NDRG3: variants seen among roughly 807,000 people sequenced by gnomAD.
The protein encoded by NDRG3 is protein NDRG3.
A neutral mutation model predicts 57.2 loss-of-function variants in NDRG3; 23 were observed. The ratio of observed to expected loss-of-function variants is 0.40; its 90% CI spans 0.29 to 0.57. The LOEUF (loss-of-function observed/expected upper bound fraction) is 0.57, where lower values mean the gene tolerates loss of function less well. NDRG3 is among the 20% of genes least tolerant of loss of function. The pLI, the probability that NDRG3 is intolerant of heterozygous loss-of-function variation, is 0.42. For synonymous variants in NDRG3, 132 were observed against 162.6 expected, an observed-to-expected ratio of 0.81 and a Z score of 1.43; for missense variants, 384 against 457.3, an observed-to-expected ratio of 0.84 and a Z score of 1.46.
Position 36,653,788 on chromosome 20 carries a change from G to C in NDRG3, c.947-87C>G. The C allele has an allele frequency of 7.9e-7, 1 of 1,268,202 alleles. No individual in the cohort carries two copies. Among genetic ancestry groups the C allele is most frequent in the Non-Finnish European group, 1.1e-6 (1 of 913,310 alleles). The allele number at this position is 1,268,202 out of a possible 1,614,324, so 78.6% of individuals were successfully genotyped here. On this transcript the variant is annotated intron_variant, in intron 15 of 15. Coordinates refer to ENST00000349004, the MANE Select transcript of NDRG3 (RefSeq NM_032013.4). The surrounding 1 kb of genome is among the most constrained non-coding windows in gnomAD (Gnocchi z 4.2). Reference sequence around the variant, plus strand: ...AGTCTCATCAAAGTCTTTATGTTTAGCTTTTCCGACTCATTTACCATGACA... The same window carrying C: ...AGTCTCATCAAAGTCTTTATGTTTACCTTTTCCGACTCATTTACCATGACA...
chr20:36,704,934 AT>A (rs1356404383), intron 3 of NDRG3, among the ~76,000 whole-genome samples: 2 of 152,190 alleles, frequency 1.3e-5, no homozygotes, highest in African/African-American at 2.4e-5. Context: ...TGGGCAACGG[AT>A]TCAGGAAGAA....
At chr20:36,678,625 A>T (rs748566576) in intron 8 of NDRG3, among the ~76,000 whole-genome samples, 9 of 152,218 alleles carry the variant, frequency 5.9e-5, no homozygotes, top group Admixed American at 1.3e-4. Flanking sequence ...GGTTGCAGTG[A>T]GCCAAGATCA....
At chr20:36,744,504 T>G (rs1372820193) in intron 1 of NDRG3, among the ~76,000 whole-genome samples, 1 of 152,084 alleles carries the variant, frequency 6.6e-6, no homozygotes, top group African/African-American at 2.4e-5. Context: ...AGGGTAAGAC[T>G]GAGGCTAAGA....
At chr20:36,739,725 A>ATGG (rs1568677267) in intron 1 of NDRG3, among the ~76,000 whole-genome samples, 1 of 151,912 alleles carries the variant, frequency 6.6e-6, no homozygotes, top group African/African-American at 2.4e-5. Flanking sequence ...GATCGAGACC[A>ATGG]TGGTGAAACC....
chr20:36,744,785 G>A (rs1360926523), intron 1 of NDRG3, among the ~76,000 whole-genome samples: 3 of 152,188 alleles, frequency 2.0e-5, no homozygotes, highest in East Asian at 1.9e-4. Flanking sequence ...ATACTGAAAT[G>A]TTCAAGCCCA....
chr20:36,661,143 C>T (rs1979170629), intron 12 of NDRG3, among the ~76,000 whole-genome samples: 1 of 152,150 alleles, frequency 6.6e-6, no homozygotes, highest in South Asian at 2.1e-4. Flanking sequence ...TCACCTCTTT[C>T]CTTAGTGGGT....
intron 2 of NDRG3, among the ~76,000 whole-genome samples, chr20:36,710,598 G>A (rs1247076047): frequency 1.3e-5 from 2 of 151,956 alleles, no homozygotes; most frequent in Non-Finnish European, 2.9e-5. Context: ...CATGAGGTCA[G>A]GAGTTCAAGA....
rs965642648 is a variant in NDRG3, at chr20:36,744,970, G to C, written c.-49+1075C>G. Among the ~76,000 whole-genome samples, 5 of 145,054 alleles carry C rather than the reference G, an allele frequency of 3.4e-5. 1 individual carries two copies. The highest frequency in any genetic ancestry group is 6.9e-5 in the Admixed American group (1 of 14,546). On this transcript the variant is annotated intron_variant, in intron 1 of 15. Coordinates refer to ENST00000349004, the MANE Select transcript of NDRG3 (RefSeq NM_032013.4). ...ATATCCCCTGAGGGCCAGGGTAAGGGGGGGGGGGGGCGCGGCGGGGGTGAT... is the reference window on the plus strand; with the variant it reads ...ATATCCCCTGAGGGCCAGGGTAAGGCGGGGGGGGGGCGCGGCGGGGGTGAT...
At chr20:36,722,240 A>G (rs1488098348) in intron 1 of NDRG3, among the ~76,000 whole-genome samples, 1 of 152,126 alleles carries the variant, frequency 6.6e-6, no homozygotes, top group African/African-American at 2.4e-5. Context: ...CAGTTCAACA[A>G]TCTGCAAGGA....
chr20:36,659,889 G>A (rs780268474), intron 13 of NDRG3, among the ~76,000 whole-genome samples: 18 of 149,968 alleles, frequency 1.2e-4, no homozygotes, highest in Non-Finnish European at 1.5e-5. Flanking sequence ...GTGAGCCACC[G>A]CACCTGGCCA....
intron 3 of NDRG3, among the ~76,000 whole-genome samples, chr20:36,705,342 GA>G (rs1983491380): frequency 7.1e-6 from 1 of 141,252 alleles, no homozygotes; most frequent in Non-Finnish European, 1.6e-5. Context: ...AAAAAGAAAA[GA>G]AAAGAAAAGA....
chr20:36,728,531 TAAAC>T (rs1985083625), intron 1 of NDRG3, among the ~76,000 whole-genome samples: 1 of 152,154 alleles, frequency 6.6e-6, no homozygotes, highest in South Asian at 2.1e-4. Flanking sequence ...CATACATACA[TAAAC>T]AAACTCCAGT....
intron 2 of NDRG3, among the ~76,000 whole-genome samples, chr20:36,718,015 G>C (rs1984374038): frequency 6.6e-6 from 1 of 152,212 alleles, no homozygotes; most frequent in Admixed American, 6.5e-5. Context: ...ATACTCAATA[G>C]GAGTAAGCTA....
At chr20:36,660,781 C>T (rs992543366) in intron 12 of NDRG3, among the ~76,000 whole-genome samples, 3 of 151,988 alleles carry the variant, frequency 2.0e-5, no homozygotes, top group African/African-American at 7.3e-5. Context: ...AGGATGGTCT[C>T]GATCTCCTGA....
chr20:36,676,965 C>T (rs893933529), intron 8 of NDRG3, among the ~76,000 whole-genome samples: 3 of 152,314 alleles, frequency 2.0e-5, no homozygotes, highest in East Asian at 1.9e-4. Context: ...GGGCTACAGC[C>T]GCCCAAACTG....
At chr20:36,730,713 C>T (rs146698517) in intron 1 of NDRG3, among the ~76,000 whole-genome samples, 8 of 151,740 alleles carry the variant, frequency 5.3e-5, no homozygotes, top group East Asian at 3.9e-4. Flanking sequence ...TGTGGGAGGC[C>T]GAGATGGGAG....
intron 8 of NDRG3, among the ~76,000 whole-genome samples, chr20:36,671,781 G>A (rs1331118413): frequency 1.4e-5 from 2 of 138,254 alleles, no homozygotes; most frequent in East Asian, 2.1e-4. Context: ...CAGCCTGGGC[G>A]ACACAGTGAG....
chr20:36,713,816 T>G (rs2096200886), intron 2 of NDRG3, among the ~76,000 whole-genome samples: 1 of 152,122 alleles, frequency 6.6e-6, no homozygotes, highest in African/African-American at 2.4e-5. Context: ...AGAGGAAAGG[T>G]TACACGTAAT....
At chr20:36,678,258 G>A (rs553739872) in intron 8 of NDRG3, among the ~76,000 whole-genome samples, 118 of 152,264 alleles carry the variant, frequency 7.7e-4, no homozygotes, top group Admixed American at 1.4e-3. Flanking sequence ...TACCCAGGAC[G>A]CACATACAGA....
Sources: gnomAD v4.1 joint callset for allele counts (sites outside exome capture counted in the v4.1 genomes callset) on GRCh38, gnomAD v4.1.1 for gene constraint, Gnocchi (gnomAD v3.1) non-coding constraint, MANE v1.5 for transcripts, NCBI Gene and HGNC (gene_info 2026-07-23, HGNC 2026-07-21) for gene names.